Variants in HDAC4 observed in about 807,000 individuals in gnomAD.
The protein encoded by HDAC4 is histone deacetylase A.
A neutral mutation model predicts 135.1 loss-of-function variants in HDAC4; 16 were observed. The ratio of observed to expected loss-of-function variants is 0.12; its 90% CI spans 0.08 to 0.18. The LOEUF is 0.18. HDAC4 is among the 10% of genes least tolerant of loss of function. The pLI, the probability that HDAC4 is intolerant of heterozygous loss-of-function variation, is 1.00. For missense variants in HDAC4, 1,143 were observed against 1,511.8 expected, an observed-to-expected ratio of 0.76 and a Z score of 4.05; for synonymous variants, 685 against 653.4, an observed-to-expected ratio of 1.05 and a Z score of -0.74.
intron 24 of HDAC4, among the ~76,000 whole-genome samples, chr2:239,057,463 A>G (rs1458140374): frequency 1.3e-5 from 2 of 152,272 alleles, no homozygotes; most frequent in African/African-American, 4.8e-5. Context: ...TAGGTACATC[A>G]GAGTAAAACT....
intron 6 of HDAC4, among the ~76,000 whole-genome samples, chr2:239,159,703 C>T (rs2042667875): frequency 6.6e-6 from 1 of 152,212 alleles, no homozygotes; most frequent in Non-Finnish European, 1.5e-5. Context: ...CCCGGCCACA[C>T]TCCACACTCA....
chr2:239,259,523 T>C (rs1344301270), intron 2 of HDAC4, among the ~76,000 whole-genome samples: 1 of 152,162 alleles, frequency 6.6e-6, no homozygotes, highest in African/African-American at 2.4e-5. Context: ...AATTGGGTAA[T>C]AAAAATAGCA....
intron 5 of HDAC4, among the ~76,000 whole-genome samples, chr2:239,172,495 A>AC (rs2043517811): frequency 6.6e-6 from 1 of 152,044 alleles, no homozygotes; most frequent in Non-Finnish European, 1.5e-5. Context: ...AACTTGTGGG[A>AC]TGCAGATAAA....
Position 239,295,728 on chromosome 2 carries a change from T to C in HDAC4, c.22+56950A>G, listed in dbSNP as rs1408449944. On this transcript the variant is annotated intron_variant, in intron 2 of 26. Coordinates refer to ENST00000543185, the MANE Select transcript of HDAC4 (RefSeq NM_001378414.1). The stretch of plus-strand genomic sequence containing the variant: ...GTTCAGTTTCATTTTATTTCTTAAA[T>C]GGACATCCTCACCAAAACCACCACC... 2.6e-5 allele frequency among the ~76,000 whole-genome samples: 4 copies of C among 152,352 alleles called. No individual in the cohort carries two copies. The South Asian group carries it at 8.3e-4, about 32-fold the overall frequency.
intron 2 of HDAC4, among the ~76,000 whole-genome samples, chr2:239,335,604 A>T (rs1476771383): frequency 6.6e-6 from 1 of 151,644 alleles, no homozygotes; most frequent in African/African-American, 2.4e-5. Context: ...ATTCATAGCC[A>T]GTGTACAGAA....
At chr2:239,263,915 G>A (rs2049544066) in intron 2 of HDAC4, among the ~76,000 whole-genome samples, 1 of 152,212 alleles carries the variant, frequency 6.6e-6, no homozygotes, top group Non-Finnish European at 1.5e-5. Flanking sequence ...GCTCCGTGAA[G>A]GCAGAGCCCT....
chr2:239,364,372 T>C (rs1694042700), intron 1 of HDAC4, among the ~76,000 whole-genome samples: 1 of 152,204 alleles, frequency 6.6e-6, no homozygotes, highest in African/African-American at 2.4e-5. Context: ...TACACCTATA[T>C]GCAGTGACAC....
chr2:239,205,879 T>C (rs889548679), intron 3 of HDAC4, among the ~76,000 whole-genome samples: 4 of 152,174 alleles, frequency 2.6e-5, no homozygotes, highest in Admixed American at 2.0e-4. Flanking sequence ...GTCAGGGACA[T>C]AAAATAGGGA....
At chr2:239,190,183 G>GT in intron 3 of HDAC4, 106 bp from the exon 4 acceptor site, 1 of 1,399,286 alleles carries the variant, frequency 7.1e-7, no homozygotes, top group Non-Finnish European at 9.5e-7. Flanking sequence ...GCGGGGGGGG[G>GT]GTTGTGACCA....
At chr2:239,258,272 G>A (rs987977843) in intron 2 of HDAC4, among the ~76,000 whole-genome samples, 9 of 152,076 alleles carry the variant, frequency 5.9e-5, no homozygotes, top group Non-Finnish European at 8.8e-5. Flanking sequence ...AGAAGGCACC[G>A]AGACAGAATG....
At chr2:239,370,261 T>C (rs1338338635) in intron 1 of HDAC4, among the ~76,000 whole-genome samples, 1 of 152,184 alleles carries the variant, frequency 6.6e-6, no homozygotes, top group Non-Finnish European at 1.5e-5. Flanking sequence ...TCCAAAATGC[T>C]GCGCTGAGGG....
chr2:239,097,080 G>A (rs1227759828), intron 16 of HDAC4, among the ~76,000 whole-genome samples: 1 of 152,208 alleles, frequency 6.6e-6, no homozygotes, highest in Admixed American at 6.5e-5. Flanking sequence ...AGGGGCGCAG[G>A]CGCCATGCAG....
intron 12 of HDAC4, 118 bp downstream of exon 12, chr2:239,126,338 C>G: frequency 6.4e-7 from 1 of 1,556,294 alleles, no homozygotes; most frequent in South Asian, 1.1e-5. Flanking sequence ...CCTCGGTTCC[C>G]TCTTTCTGCC....
At chr2:239,343,511 C>T (rs969833006) in intron 2 of HDAC4, among the ~76,000 whole-genome samples, 2 of 152,384 alleles carry the variant, frequency 1.3e-5, no homozygotes, top group South Asian at 4.1e-4. Flanking sequence ...GGGCCCCAGC[C>T]GGCGGGGCAG....
chr2:239,398,663 C>T (rs762213612), intron 1 of HDAC4, among the ~76,000 whole-genome samples: 1 of 152,248 alleles, frequency 6.6e-6, no homozygotes, highest in African/African-American at 2.4e-5. Flanking sequence ...CCAAGGCCTC[C>T]GAGAATATGG....
intron 1 of HDAC4, among the ~76,000 whole-genome samples, chr2:239,386,397 A>ATG (rs1695811394): frequency 1.3e-5 from 2 of 152,182 alleles, no homozygotes; most frequent in African/African-American, 4.8e-5. Flanking sequence ...GTGTGTCCCA[A>ATG]CCACGGGAGG....
At chr2:239,250,347 T>TC (rs2048715701) in intron 2 of HDAC4, among the ~76,000 whole-genome samples, 1 of 152,154 alleles carries the variant, frequency 6.6e-6, no homozygotes, top group Non-Finnish European at 1.5e-5. Flanking sequence ...TGCAGGTGGC[T>TC]CCCCAGAGAT....
At chr2:239,231,624 GA>G (rs2047564491) in intron 3 of HDAC4, among the ~76,000 whole-genome samples, 1 of 125,202 alleles carries the variant, frequency 8.0e-6, no homozygotes, top group Non-Finnish European at 1.6e-5. Flanking sequence ...CCGGATGCCT[GA>G]GGTAGGTGTC....
chr2:239,066,539 G>A (rs149838026), intron 24 of HDAC4, among the ~76,000 whole-genome samples, 183 bp downstream of exon 24: 113 of 152,220 alleles, frequency 7.4e-4, no homozygotes, highest in African/African-American at 2.7e-3. Context: ...TCCAGCCATC[G>A]TCACGGTTCT....
Sources: allele counts gnomAD v4.1 joint callset (sites outside exome capture counted in the v4.1 genomes callset), GRCh38; gene constraint gnomAD v4.1.1; transcripts MANE v1.5; gene names NCBI Gene and HGNC (gene_info 2026-07-23, HGNC 2026-07-21).